Variants in TLE3 observed in about 807,000 individuals in gnomAD.
TLE3 encodes the protein transducin-like enhancer protein 3.
Under a neutral mutation model 93.0 loss-of-function variants are expected in TLE3, and 14 were observed. The observed-to-expected ratio is 0.15, with a 90% CI of 0.10 to 0.24. TLE3 has a LOEUF of 0.24. TLE3 is among the 10% of genes least tolerant of loss of function. The pLI is 1.00. For synonymous variants in TLE3, 451 were observed against 425.0 expected (o/e 1.06, Z -0.75); for missense variants, 693 against 1,046.6 (o/e 0.66, Z 4.66).
At chr15:70,066,723 G>A in intron 6 of TLE3, 1 of 170,258 alleles carries the variant, frequency 5.9e-6, no homozygotes, top group South Asian at 1.1e-4. Context: ...GCAGGGGCAG[G>A]GCAGGTCATC....
At chr15:70,076,384 C>T (rs1453317646) in intron 4 of TLE3, among the ~76,000 whole-genome samples, 1 of 152,188 alleles carries the variant, frequency 6.6e-6, no homozygotes, top group Non-Finnish European at 1.5e-5. Context: ...TTTTAGGGAG[C>T]TCCAATTTCC....
chr15:70,054,373 G>C (rs898311625), intron 16 of TLE3, 65 bp downstream of exon 16: 2 of 1,562,516 alleles, frequency 1.3e-6, no homozygotes, highest in Non-Finnish European at 1.7e-6. Flanking sequence ...CAGCAAACAA[G>C]ACCAGGCAGG....
intron 18 of TLE3, 78 bp from the exon 19 acceptor site, chr15:70,051,545 G>T: frequency 7.6e-7 from 1 of 1,319,156 alleles, no homozygotes; most frequent in Non-Finnish European, 1.0e-6. Context: ...GACATGGCCA[G>T]CTGCCATAGA....
chr15:70,062,019 G>A (rs908507917), intron 8 of TLE3, among the ~76,000 whole-genome samples: 12 of 152,320 alleles, frequency 7.9e-5, no homozygotes, highest in African/African-American at 2.4e-4. Context: ...TGGAGGGAAC[G>A]GGGCTGGGCA....
rs1567071313 is a variant in TLE3 at position 70,097,811 on chromosome 15, CACACCA to C, written c.-1019_-1014del. 2 of 242,664 alleles carry C rather than the reference CACACCA, an allele frequency of 8.2e-6. No individual in the cohort carries two copies. Among genetic ancestry groups the C allele is most frequent in the Admixed American group, 2.6e-4 (2 of 7,826 alleles). The allele number at this position is 242,664 out of a possible 1,614,324, so 15.0% of individuals were successfully genotyped here. A position where few individuals can be genotyped will look rare whatever the true frequency, so the allele number is the denominator to read the frequency against. On this transcript the variant is annotated 5_prime_UTR_variant, in exon 1 of 20. Coordinates refer to ENST00000451782, the MANE Select transcript of TLE3 (RefSeq NM_001105192.3). ...ACACACGCGCGCACGCACACACACA[CACACCA>C]AAAAAAAAAGTGCCCCGGACCTACG...
intron 6 of TLE3, among the ~76,000 whole-genome samples, chr15:70,072,012 C>T (rs968474623): frequency 7.2e-5 from 11 of 152,196 alleles, no homozygotes; most frequent in African/African-American, 2.7e-4. Context: ...GAGCACGACT[C>T]GGCTGTCCGT....
intron 8 of TLE3, among the ~76,000 whole-genome samples, chr15:70,062,386 G>T (rs554310729): frequency 1.9e-4 from 29 of 152,320 alleles, no homozygotes; most frequent in African/African-American, 6.3e-4. Context: ...GGCGGGCAGG[G>T]GAGGGGGCGT....
chr15:70,096,868 G>T lies in TLE3; in HGVS notation c.-70C>A, dbSNP rs769435883. On this transcript the variant is annotated 5_prime_UTR_variant, in exon 1 of 20. Transcript: ENST00000451782. Reference sequence around the variant, plus strand: ...CCCGGGCCGGGGAGGTGCGGGGGAGGGGGGAGCCGAGCCCGAGCGGGGGGC... The same window carrying T: ...CCCGGGCCGGGGAGGTGCGGGGGAGTGGGGAGCCGAGCCCGAGCGGGGGGC... 7 of 1,571,606 alleles carry T rather than the reference G, an allele frequency of 4.5e-6. No homozygotes were observed. Among genetic ancestry groups the T allele is most frequent in the Non-Finnish European group, 5.2e-6 (6 of 1,157,416 alleles).
chr15:70,091,981 C>CCCCCCCCCCCCCCCCCCG (rs1270598993), intron 4 of TLE3, among the ~76,000 whole-genome samples: 1 of 150,608 alleles, frequency 6.6e-6, no homozygotes, highest in Admixed American at 6.6e-5. Context: ...ACCCCCACCC[C>CCCCCCCCCCCCCCCCCCG]AGCTTAAAGA....
chr15:70,074,670 G>A (rs901564636), intron 5 of TLE3, 63 bp from the exon 6 acceptor site: 3 of 1,427,634 alleles, frequency 2.1e-6, no homozygotes, highest in Non-Finnish European at 2.9e-6. Flanking sequence ...GTCACAGGCT[G>A]TGCAGCACTG....
rs76487633 is a variant in TLE3 at position 70,078,532 on chromosome 15, C to T, written c.235-2374G>A. 2.0e-5 allele frequency among the ~76,000 whole-genome samples: 3 copies of T among 152,392 alleles called. No individual in the cohort carries two copies. In the East Asian group the frequency reaches 5.8e-4, roughly 29 times the overall value. ...AAATGTTTGGCCCAAAGAATAGTATCACTGGCATCTCTGCATTTATTGAGA... is the reference window on the plus strand; with the variant it reads ...AAATGTTTGGCCCAAAGAATAGTATTACTGGCATCTCTGCATTTATTGAGA... On this transcript the variant is annotated intron_variant, in intron 4 of 19. Transcript: ENST00000451782.
intron 6 of TLE3, among the ~76,000 whole-genome samples, chr15:70,072,727 T>C (rs2141762397): frequency 6.6e-6 from 1 of 152,282 alleles, no homozygotes; most frequent in African/African-American, 2.4e-5. Flanking sequence ...TTGCCTCCTA[T>C]GAATATCAGG....
chr15:70,051,332 C>A, intron 19 of TLE3, 59 bp downstream of exon 19: 2 of 1,510,428 alleles, frequency 1.3e-6, no homozygotes, highest in Non-Finnish European at 1.8e-6. Context: ...CTCCCATCAC[C>A]ATCACCAAGT....
At chr15:70,059,380 G>A in intron 10 of TLE3, 30 bp downstream of exon 10, 1 of 1,599,952 alleles carries the variant, frequency 6.3e-7, no homozygotes. Context: ...GCCAAACCAA[G>A]AGCCCCCTTG....
rs771439546 is a variant in TLE3, at chr15:70,051,378, C to T, written c.2202+13G>A. ...GGTAGAACCCAGAGGAGGACTCAGA[C>T]GGTGGGCAGTACCTGGAATATGCTG... On this transcript the variant is annotated intron_variant, in intron 19 of 19. Coordinates refer to ENST00000451782, the MANE Select transcript of TLE3 (RefSeq NM_001105192.3). 2.1e-5 allele frequency: 34 copies of T among 1,600,052 alleles called. No individual in the cohort carries two copies. Among genetic ancestry groups the T allele is most frequent in the African/African-American group, 5.4e-5 (4 of 74,680 alleles).
intron 4 of TLE3, among the ~76,000 whole-genome samples, chr15:70,080,540 C>T (rs2141893830): frequency 6.6e-6 from 1 of 152,176 alleles, no homozygotes; most frequent in Middle Eastern, 3.4e-3. Context: ...TAACATCTGC[C>T]CTGCATCTCT....
At chr15:70,095,253 A>T in intron 3 of TLE3, 1 of 1,220,918 alleles carries the variant, frequency 8.2e-7, no homozygotes, top group Non-Finnish European at 1.0e-6. Context: ...GTCCAATCCT[A>T]TCTTACTAGC....
Position 70,051,388 on chromosome 15 carries a change from T to C in TLE3, c.2202+3A>G. On this transcript the variant is annotated splice_donor_region_variant and intron_variant, in intron 19 of 19. Coordinates refer to ENST00000451782, the MANE Select transcript of TLE3 (RefSeq NM_001105192.3). Reference sequence around the variant, plus strand: ...AGAGGAGGACTCAGACGGTGGGCAGTACCTGGAATATGCTGGCTCCATAAG... The same window carrying C: ...AGAGGAGGACTCAGACGGTGGGCAGCACCTGGAATATGCTGGCTCCATAAG... The C allele has an allele frequency of 6.2e-7, 1 of 1,605,920 alleles. No homozygotes were observed. The highest frequency in any genetic ancestry group is 8.5e-7 in the Non-Finnish European group (1 of 1,175,972).
At chr15:70,060,430 T>C in intron 9 of TLE3, 100 bp downstream of exon 9, 1 of 1,512,756 alleles carries the variant, frequency 6.6e-7, no homozygotes. Context: ...TCTGACTCAC[T>C]GCCAACCACA....
Sources: allele counts gnomAD v4.1 joint callset (sites outside exome capture counted in the v4.1 genomes callset), GRCh38; gene constraint gnomAD v4.1.1; transcripts MANE v1.5; gene names NCBI Gene and HGNC (gene_info 2026-07-23, HGNC 2026-07-21).